SNAP47: variants seen among roughly 807,000 people sequenced by gnomAD.
SNAP47 encodes the protein synaptosome associated protein 47, also known as synaptosomal-associated protein 47.
In SNAP47, 20 loss-of-function variants were observed where a neutral mutation model predicts 31.4. That is an observed-to-expected ratio of 0.64 (90% confidence interval 0.45 to 0.93). SNAP47 has a LOEUF of 0.93. Ranked by LOEUF, SNAP47 falls within the 40% of genes least tolerant of loss-of-function variation. The pLI is 0.00. For missense variants in SNAP47, 492 were observed against 528.5 expected, an observed-to-expected ratio of 0.93 and a Z score of 0.68; for synonymous variants, 194 against 213.4, an observed-to-expected ratio of 0.91 and a Z score of 0.79.
At chr1:227,735,281 A>G (rs1043339729), upstream of SNAP47, 1 of 1,606,442 alleles carries the variant, frequency 6.2e-7, no homozygotes. Context: ...CATCCAGCTC[A>G]GCACGGGTCG....
chr1:227,734,711 A>T (rs34226061), upstream of SNAP47: 8 of 1,614,010 alleles, frequency 5.0e-6, no homozygotes, highest in South Asian at 8.8e-5. Flanking sequence ...GCCCGCCTGT[A>T]TGTACTCTTT....
At chr1:227,729,917 G>T (rs958417404) in intron 1 of SNAP47, among the ~76,000 whole-genome samples, 1 of 152,216 alleles carries the variant, frequency 6.6e-6, no homozygotes, top group East Asian at 1.9e-4. Flanking sequence ...GCCTTCCTAT[G>T]GGGGCCCACA....
intron 4 of SNAP47, among the ~76,000 whole-genome samples, chr1:227,773,631 G>A (rs1278048820): frequency 6.6e-6 from 1 of 152,214 alleles, no homozygotes; most frequent in African/African-American, 2.4e-5. Flanking sequence ...GCTCTACACT[G>A]CGTGCCATTT....
chr1:227,747,540 G>A, intron 1 of SNAP47, 152 bp from the exon 2 acceptor site: 1 of 747,274 alleles, frequency 1.3e-6, no homozygotes, highest in Admixed American at 2.9e-5. Context: ...GGGTACATGG[G>A]CTTCGTCATG....
At chr1:227,766,632 T>C (rs948537585) in intron 3 of SNAP47, among the ~76,000 whole-genome samples, 1 of 152,254 alleles carries the variant, frequency 6.6e-6, no homozygotes, top group Non-Finnish European at 1.5e-5. Flanking sequence ...GTGTGTGATG[T>C]GCATTTCACC....
chr1:227,777,680 T>C (rs1304430886), intron 4 of SNAP47, among the ~76,000 whole-genome samples: 1 of 152,246 alleles, frequency 6.6e-6, no homozygotes, highest in East Asian at 1.9e-4. Flanking sequence ...CATTTTTACC[T>C]TTGAACATCT....
Position 227,743,057 on chromosome 1 carries a change from A to G in SNAP47, c.-45-4635A>G, listed in dbSNP as rs919403258. 7.2e-5 allele frequency among the ~76,000 whole-genome samples: 11 copies of G among 152,156 alleles called. No individual in the cohort carries two copies. The East Asian group carries it at 2.1e-3, about 29-fold the overall frequency. On this transcript the variant is annotated intron_variant, in intron 1 of 4. Transcript: ENST00000617596. ...TGACCCTGGGGGTGTAGCTAGGTTG[A>G]CCATGGTACTGAAGGTCTTGGCGCC...
chr1:227,751,255 C>T (rs961664775), intron 2 of SNAP47, among the ~76,000 whole-genome samples: 3 of 152,228 alleles, frequency 2.0e-5, no homozygotes, highest in Non-Finnish European at 4.4e-5. Context: ...ACGTCTCTCT[C>T]CTGCTCAGCA....
intron 1 of SNAP47, among the ~76,000 whole-genome samples, chr1:227,736,901 G>A (rs1225004351): frequency 6.6e-6 from 1 of 152,124 alleles, no homozygotes; most frequent in African/African-American, 2.4e-5. Flanking sequence ...AGGGAAAAGG[G>A]ATGTCCTCCC....
intron 3 of SNAP47, among the ~76,000 whole-genome samples, chr1:227,765,996 G>T (rs73093354): frequency 6.6e-6 from 1 of 152,154 alleles, no homozygotes; most frequent in Non-Finnish European, 1.5e-5. Flanking sequence ...GGCTAGAGGG[G>T]GTATGCCCTT....
chr1:227,762,799 C>T lies in SNAP47; in HGVS notation c.988+3314C>T, dbSNP rs1027551971. On this transcript the variant is annotated intron_variant, in intron 3 of 4. Coordinates refer to ENST00000617596, the MANE Select transcript of SNAP47 (RefSeq NM_053052.4). The surrounding 1 kb of genome is among the most constrained non-coding windows in gnomAD (Gnocchi z 4.2). Reference sequence around the variant, plus strand: ...TGTCTCTGGGCCCTGTGGCTTCTGACAGCCTTCTGGAGGCTGGGCCAGGGC... The same window carrying T: ...TGTCTCTGGGCCCTGTGGCTTCTGATAGCCTTCTGGAGGCTGGGCCAGGGC... 1.2e-4 allele frequency among the ~76,000 whole-genome samples: 19 copies of T among 152,346 alleles called. 1 individual carries two copies. The highest frequency in any genetic ancestry group is 4.6e-4 in the African/African-American group (19 of 41,580).
rs1000781671 is a variant in SNAP47, at chr1:227,741,219, G to A, written c.-46+5720G>A. ...GGTGTTTGGGAGGCAACGGCTTGGG[G>A]GTGATGTTGAGTTTCTGGCCTGTGT... On this transcript the variant is annotated intron_variant, in intron 1 of 4. Coordinates refer to ENST00000617596, the MANE Select transcript of SNAP47 (RefSeq NM_053052.4). This position sits in a 1 kb window ranked among gnomAD's most constrained non-coding sequence, Gnocchi z 4.2. Among the ~76,000 whole-genome samples, 2 of 152,148 alleles carry A rather than the reference G, an allele frequency of 1.3e-5. No individual in the cohort carries two copies. Among genetic ancestry groups the A allele is most frequent in the African/African-American group, 4.8e-5 (2 of 41,410 alleles).
intron 2 of SNAP47, among the ~76,000 whole-genome samples, chr1:227,751,317 C>T (rs1184590798): frequency 6.6e-6 from 1 of 152,348 alleles, no homozygotes; most frequent in African/African-American, 2.4e-5. Flanking sequence ...CCACCTGTCC[C>T]ACTACCTGTC....
chr1:227,735,508 C>G lies in SNAP47; in HGVS notation c.-46+9C>G. On this transcript the variant is annotated intron_variant, in intron 1 of 4. Coordinates refer to ENST00000617596, the MANE Select transcript of SNAP47 (RefSeq NM_053052.4). ...CGTCTGGCGTCCCTCAGGTGAGCGA[C>G]GGTGTTGGTCTGTTGGGCGCCCGGC... 1.4e-6 allele frequency: 2 copies of G among 1,391,990 alleles called. No individual in the cohort carries two copies. The highest frequency in any genetic ancestry group is 1.8e-6 in the Non-Finnish European group (2 of 1,081,254). The allele number at this position is 1,391,990 out of a possible 1,614,324, so 86.2% of individuals were successfully genotyped here.
At chr1:227,776,492 C>T in intron 4 of SNAP47, 2 of 985,632 alleles carry the variant, frequency 2.0e-6, no homozygotes, top group Non-Finnish European at 1.2e-6. Context: ...CATGAAGGTT[C>T]CTGTGTGAGG....
intron 4 of SNAP47, among the ~76,000 whole-genome samples, chr1:227,769,929 C>T (rs776852248): frequency 1.3e-5 from 2 of 152,186 alleles, no homozygotes; most frequent in East Asian, 3.9e-4. Context: ...GCTGTGTCCA[C>T]GTCCCTCTGT....
At chr1:227,773,521 A>G (rs138754791) in intron 4 of SNAP47, among the ~76,000 whole-genome samples, 2 of 152,336 alleles carry the variant, frequency 1.3e-5, no homozygotes, top group East Asian at 1.9e-4. Flanking sequence ...CGCAGTGTTG[A>G]TAAAGTCCAC....
intron 4 of SNAP47, among the ~76,000 whole-genome samples, chr1:227,772,748 G>A (rs939412646): frequency 6.6e-6 from 1 of 152,150 alleles, no homozygotes; most frequent in Non-Finnish European, 1.5e-5. Flanking sequence ...GCGGAGTGAG[G>A]TGAGGACCCA....
At chr1:227,735,020 C>G, upstream of SNAP47, 1 of 1,548,722 alleles carries the variant, frequency 6.5e-7, no homozygotes, top group South Asian at 1.2e-5. Context: ...ACCGTAGGTC[C>G]GTAGCAGGTG....
Sources: allele counts gnomAD v4.1 joint callset (sites outside exome capture counted in the v4.1 genomes callset), GRCh38; gene constraint gnomAD v4.1.1; non-coding constraint Gnocchi (gnomAD v3.1); transcripts MANE v1.5; gene names NCBI Gene and HGNC (gene_info 2026-07-23, HGNC 2026-07-21).